Variants in OR1L8 observed in about 807,000 individuals in gnomAD.
OR1L8 encodes olfactory receptor 1L8.
For synonymous variants in OR1L8, 148 were observed against 147.0 expected, an observed-to-expected ratio of 1.01 and a Z score of -0.05; for missense variants, 330 against 377.4, an observed-to-expected ratio of 0.87 and a Z score of 1.04.
downstream of OR1L8, among the ~76,000 whole-genome samples, chr9:122,563,970 G>A (rs1458923775): frequency 1.3e-5 from 2 of 152,104 alleles, no homozygotes; most frequent in African/African-American, 2.4e-5. Context: ...TTATCCATAT[G>A]TCTGTATTTA....
the OR1L8 span, among the ~76,000 whole-genome samples, chr9:122,550,842 G>A: frequency 1.5e-4 from 22 of 150,916 alleles, 1 homozygote; most frequent in South Asian, 4.4e-3. Flanking sequence ...ACTAGAGAAA[G>A]ACGAAGATGA....
In OR1L8 at chr9:122,576,812, C is replaced by T. The variant is rs1324560652; in HGVS notation, c.-388G>A. On this transcript the variant is annotated 5_prime_UTR_variant, in exon 3 of 5. The change creates a premature stop within an existing upstream ORF in the 5' untranslated region. Coordinates refer to ENST00000641027, the MANE Select transcript of OR1L8 (RefSeq NM_001004454.2). ...GGCTTCTGTTTGTGGGTTTCTGCTCCAGTAAGCTGTGATTCTTTGTATTTT... is the reference window on the plus strand; with the variant it reads ...GGCTTCTGTTTGTGGGTTTCTGCTCTAGTAAGCTGTGATTCTTTGTATTTT... The T allele has an allele frequency of 6.6e-6, 1 of 152,234 alleles. No individual in the cohort carries two copies. Among genetic ancestry groups the T allele is most frequent in the Non-Finnish European group, 1.5e-5 (1 of 68,084 alleles). 9.4% of individuals were successfully genotyped at this position (152,234 alleles called of 1,614,324 possible). A position where few individuals can be genotyped will look rare whatever the true frequency, so the allele number is the denominator to read the frequency against.
the OR1L8 span, among the ~76,000 whole-genome samples, chr9:122,560,617 T>C: frequency 5.3e-5 from 8 of 152,204 alleles, no homozygotes; most frequent in African/African-American, 1.7e-4. Flanking sequence ...AAATTCTGCG[T>C]TGAAAATTCT....
chr9:122,560,143 A>T, the OR1L8 span, among the ~76,000 whole-genome samples: 4 of 152,000 alleles, frequency 2.6e-5, no homozygotes, highest in Non-Finnish European at 4.4e-5. Context: ...AGAGACTAGG[A>T]TCACAACCCC....
chr9:122,567,358 C>A lies in OR1L8; in HGVS notation c.*190G>T. On this transcript the variant is annotated 3_prime_UTR_variant, in exon 5 of 5. Coordinates refer to ENST00000641027, the MANE Select transcript of OR1L8 (RefSeq NM_001004454.2). ...AGAAAGAGGAGACACAGACAGGAAA[C>A]GATTGTGATTTAAGAGATACAGGCC... 1 of 450,338 alleles carries A rather than the reference C, an allele frequency of 2.2e-6. No homozygotes were observed. The highest frequency in any genetic ancestry group is 3.9e-6 in the Non-Finnish European group (1 of 257,024). 27.9% of individuals were successfully genotyped at this position (450,338 alleles called of 1,614,324 possible). A position where few individuals can be genotyped will look rare whatever the true frequency, so the allele number is the denominator to read the frequency against.
chr9:122,554,130 C>T, the OR1L8 span: 2 of 1,612,582 alleles, frequency 1.2e-6, no homozygotes, highest in East Asian at 2.2e-5. Flanking sequence ...TTTGGGTAAA[C>T]TTTTTGTCAG....
At chr9:122,569,568 AT>A (rs1829502433) in intron 4 of OR1L8, among the ~76,000 whole-genome samples, 1 of 152,132 alleles carries the variant, frequency 6.6e-6, no homozygotes, top group South Asian at 2.1e-4. Flanking sequence ...ATTTTCAAGC[AT>A]TTTTAGATAT....
At chr9:122,568,909 T>C (rs1378046847) in intron 4 of OR1L8, among the ~76,000 whole-genome samples, 1 of 152,098 alleles carries the variant, frequency 6.6e-6, no homozygotes, top group Non-Finnish European at 1.5e-5. Flanking sequence ...GGGATACATT[T>C]TATGAACAAA....
At position 122,568,504 on chromosome 9, in the gene OR1L8, A is replaced by C; in HGVS notation, c.-27T>G. 7.3e-7 allele frequency: 1 copy of C among 1,369,824 alleles called. No homozygotes were observed. The highest frequency in any genetic ancestry group is 1.0e-6 in the Non-Finnish European group (1 of 995,302). 84.9% of individuals were successfully genotyped at this position (1,369,824 alleles called of 1,614,324 possible). A position where few individuals can be genotyped will look rare whatever the true frequency, so the allele number is the denominator to read the frequency against. On this transcript the variant is annotated 5_prime_UTR_variant, in exon 5 of 5. Coordinates refer to ENST00000641027, the MANE Select transcript of OR1L8 (RefSeq NM_001004454.2). Reference sequence around the variant, plus strand: ...GACTTGGGCTCAGTTATAAACAAGAAGTTTTGTCATTTAACATGCTCTGAT... The same window carrying C: ...GACTTGGGCTCAGTTATAAACAAGACGTTTTGTCATTTAACATGCTCTGAT...
chr9:122,554,504 G>A, the OR1L8 span, among the ~76,000 whole-genome samples: 1 of 152,130 alleles, frequency 6.6e-6, no homozygotes, highest in Non-Finnish European at 1.5e-5. Context: ...GGCAGGCATG[G>A]GATGAGGTGA....
chr9:122,551,760 C>T, the OR1L8 span, among the ~76,000 whole-genome samples: 7 of 152,048 alleles, frequency 4.6e-5, no homozygotes, highest in Admixed American at 1.3e-4. Flanking sequence ...TCGACCTTAA[C>T]GAGCACATTG....
rs914705932 is a variant in OR1L8 at position 122,567,344 on chromosome 9, A to G, written c.*204T>C. The G allele has an allele frequency of 2.3e-6, 1 of 439,156 alleles. No homozygotes were observed. Among genetic ancestry groups the G allele is most frequent in the African/African-American group, 2.0e-5 (1 of 49,704 alleles). 27.2% of individuals were successfully genotyped at this position (439,156 alleles called of 1,614,324 possible). A position where few individuals can be genotyped will look rare whatever the true frequency, so the allele number is the denominator to read the frequency against. On this transcript the variant is annotated 3_prime_UTR_variant, in exon 5 of 5. Coordinates refer to ENST00000641027, the MANE Select transcript of OR1L8 (RefSeq NM_001004454.2). ...AATAAATCTTTCCAAGAAAGAGGAG[A>G]CACAGACAGGAAACGATTGTGATTT...
At chr9:122,546,624 CTCT>C in the OR1L8 span, among the ~76,000 whole-genome samples, 1 of 152,090 alleles carries the variant, frequency 6.6e-6, no homozygotes, top group African/African-American at 2.4e-5. Flanking sequence ...AAAGCAGATC[CTCT>C]TCTTTCACTT....
chr9:122,547,718 A>G, the OR1L8 span, among the ~76,000 whole-genome samples: 2 of 151,796 alleles, frequency 1.3e-5, no homozygotes, highest in East Asian at 1.9e-4. Flanking sequence ...GTTTGATTCC[A>G]TATCTTTGCT....
chr9:122,577,116 C>G (rs979860014), intron 2 of OR1L8, among the ~76,000 whole-genome samples: 6 of 152,084 alleles, frequency 3.9e-5, no homozygotes, highest in Non-Finnish European at 7.4e-5. Flanking sequence ...GCATATGCTT[C>G]TAGGAAATAA....
At chr9:122,556,282 CT>C in the OR1L8 span, among the ~76,000 whole-genome samples, 10,598 of 144,266 alleles carry the variant, frequency 0.073, 477 homozygotes, top group African/African-American at 0.12. Flanking sequence ...TGTCTAGATT[CT>C]TTTTTTTTTT....
intron 4 of OR1L8, among the ~76,000 whole-genome samples, chr9:122,572,090 C>T (rs1166276166): frequency 3.9e-5 from 6 of 152,064 alleles, no homozygotes; most frequent in Non-Finnish European, 5.9e-5. Flanking sequence ...TGGGGGGAGG[C>T]GCTACACACT....
intron 4 of OR1L8, among the ~76,000 whole-genome samples, chr9:122,570,249 C>T (rs925695726): frequency 4.6e-5 from 7 of 151,556 alleles, no homozygotes; most frequent in African/African-American, 7.3e-5. Context: ...CCTGAGGAAT[C>T]GCCACACTGA....
chr9:122,549,988 T>C, the OR1L8 span, among the ~76,000 whole-genome samples: 2 of 152,190 alleles, frequency 1.3e-5, no homozygotes, highest in African/African-American at 4.8e-5. Context: ...TTCCAATCCA[T>C]GATCATGGGA....
Sources: gnomAD v4.1 joint callset for allele counts (sites outside exome capture counted in the v4.1 genomes callset) on GRCh38, gnomAD v4.1.1 for gene constraint, MANE v1.5 for transcripts, NCBI Gene and HGNC (gene_info 2026-07-23, HGNC 2026-07-21) for gene names.